Variants in SRP19 observed in about 807,000 individuals in gnomAD.
SRP19 encodes the protein signal recognition particle 19, also known as signal recognition particle 19 kDa protein.
A neutral mutation model predicts 22.4 loss-of-function variants in SRP19; 11 were observed. The observed-to-expected ratio is 0.49, with a 90% CI of 0.31 to 0.81. SRP19 has a LOEUF of 0.81. SRP19 is among the 40% of genes least tolerant of loss of function. The probability of loss-of-function intolerance (pLI) is 0.05; values close to 1 mark genes in which losing one functional copy is unlikely to be tolerated. For synonymous variants in SRP19, 61 were observed against 57.6 expected, an observed-to-expected ratio of 1.06 and a Z score of -0.27; for missense variants, 168 against 175.9, an observed-to-expected ratio of 0.96 and a Z score of 0.25.
chr5:112,872,322 CTTTT>C (rs759571945), downstream of SRP19, among the ~76,000 whole-genome samples: 61 of 92,692 alleles, frequency 6.6e-4, no homozygotes, highest in Admixed American at 3.2e-3. Flanking sequence ...CCAAATGATT[CTTTT>C]TTTTTTTTTT....
chr5:112,866,508 T>C (rs187722695), intron 4 of SRP19, among the ~76,000 whole-genome samples: 2 of 151,650 alleles, frequency 1.3e-5, no homozygotes, highest in African/African-American at 4.8e-5. Context: ...TTTTTTATTT[T>C]TTCTAGAGAT....
At chr5:112,897,945 G>T (rs1289220658), downstream of SRP19, 1 of 152,256 alleles carries the variant, frequency 6.6e-6, no homozygotes, top group Non-Finnish European at 1.5e-5. Flanking sequence ...TGTAATCCCA[G>T]CTACTTGGGA....
intron 4 of SRP19, among the ~76,000 whole-genome samples, chr5:112,874,836 C>A (rs1479494965): frequency 6.7e-6 from 1 of 149,940 alleles, no homozygotes; most frequent in Non-Finnish European, 1.5e-5. Context: ...GTGCAAATGG[C>A]GTGATCTCGG....
At chr5:112,891,996 G>A in exon 5 of SRP19, 1 of 1,268,052 alleles carries the variant, frequency 7.9e-7, no homozygotes, top group Non-Finnish European at 1.2e-6. Flanking sequence ...GGAAAGAACA[G>A]CAGAGGAAAG....
chr5:112,889,629 G>C (rs754284032), intron 4 of SRP19, among the ~76,000 whole-genome samples: 1 of 150,226 alleles, frequency 6.7e-6, no homozygotes, highest in African/African-American at 2.5e-5. Flanking sequence ...ATATTTAAAT[G>C]TAAGTCAGAA....
chr5:112,892,771 T>A, exon 5 of SRP19: 2 of 1,613,712 alleles, frequency 1.2e-6, no homozygotes, highest in Non-Finnish European at 1.7e-6. Flanking sequence ...CCACGACCAC[T>A]ACTACAGCAG....
exon 5 of SRP19, chr5:112,892,947 G>C: frequency 6.3e-7 from 1 of 1,599,072 alleles, no homozygotes; most frequent in Non-Finnish European, 8.5e-7. Flanking sequence ...ACCGCAGCTG[G>C]GACCAGGGCC....
At chr5:112,870,097 G>A (rs2150028849), downstream of SRP19, among the ~76,000 whole-genome samples, 1 of 152,258 alleles carries the variant, frequency 6.6e-6, no homozygotes, top group Non-Finnish European at 1.5e-5. Context: ...TGGGACCAAG[G>A]TAACTGAAAC....
At chr5:112,890,042 G>C (rs1266365789) in intron 4 of SRP19, among the ~76,000 whole-genome samples, 6 of 150,330 alleles carry the variant, frequency 4.0e-5, no homozygotes, top group African/African-American at 1.5e-4. Context: ...GGCCAGGCTG[G>C]TCTTGAACTC....
At chr5:112,891,500 A>T in intron 4 of SRP19, 1 of 1,166,732 alleles carries the variant, frequency 8.6e-7, no homozygotes, top group Non-Finnish European at 1.2e-6. Context: ...TTTGTAATAT[A>T]TATAAGTATG....
At chr5:112,862,608 A>G (rs761643513) in intron 2 of SRP19, 25 bp downstream of exon 2, 8 of 1,606,632 alleles carry the variant, frequency 5.0e-6, no homozygotes, top group Non-Finnish European at 6.8e-6. Flanking sequence ...TGGCACCTTG[A>G]TCCTCGAGGG....
downstream of SRP19, chr5:112,896,660 G>A (rs1768688631): frequency 6.6e-6 from 1 of 152,154 alleles, no homozygotes; most frequent in Non-Finnish European, 1.5e-5. Context: ...ATCTAGCCAG[G>A]CCTGGTGGCT....
intron 4 of SRP19, chr5:112,878,598 T>G (rs1292789995): frequency 3.5e-5 from 29 of 839,784 alleles, no homozygotes; most frequent in Non-Finnish European, 1.2e-5. Context: ...TGCATTAAGT[T>G]TAAAGTGCTC....
chr5:112,871,056 G>A (rs1767746800), downstream of SRP19, among the ~76,000 whole-genome samples: 1 of 152,074 alleles, frequency 6.6e-6, no homozygotes, highest in African/African-American at 2.4e-5. Flanking sequence ...GTTTCACCAT[G>A]TTGGCCAGGC....
downstream of SRP19, chr5:112,896,953 A>G (rs912286707): frequency 6.6e-6 from 1 of 152,158 alleles, no homozygotes; most frequent in Non-Finnish European, 1.5e-5. Flanking sequence ...AAATCTAGAA[A>G]ATGATTTAAA....
chr5:112,889,709 C>G (rs1169495590), intron 4 of SRP19, among the ~76,000 whole-genome samples: 1 of 150,406 alleles, frequency 6.6e-6, no homozygotes, highest in Admixed American at 6.6e-5. Flanking sequence ...GATATACTAG[C>G]CAGGCTTACA....
chr5:112,887,028 G>T, intron 4 of SRP19: 1 of 1,603,414 alleles, frequency 6.2e-7, no homozygotes, highest in South Asian at 1.1e-5. Flanking sequence ...CTTTAGTGAT[G>T]GCATCTGCAG....
At position 112,880,538 on chromosome 5, in the gene SRP19, A is replaced by G. The variant is rs76862864; in HGVS notation, c.302-11065A>G. Among the ~76,000 whole-genome samples the G allele has an allele frequency of 7.7e-3, 1,168 of 152,356 alleles. 18 individuals are homozygous for G. Among genetic ancestry groups the G allele is most frequent in the African/African-American group, 0.027 (1,107 of 41,586 alleles). ...GTTAAAATTACTGAACCAAGTTCAC[A>G]GCAAAGGAGAAAATGTAGTCCTTCC... On this transcript the variant is annotated intron_variant, in intron 4 of 4. Transcript: ENST00000391338.
intron 1 of SRP19, among the ~76,000 whole-genome samples, chr5:112,862,194 T>C (rs1407600300): frequency 6.6e-6 from 1 of 152,152 alleles, no homozygotes; most frequent in Admixed American, 6.5e-5. Context: ...CCAAGAGCTG[T>C]TGGTTACAGA....
Sources: allele counts gnomAD v4.1 joint callset (sites outside exome capture counted in the v4.1 genomes callset), GRCh38; gene constraint gnomAD v4.1.1; transcripts MANE v1.5; gene names NCBI Gene and HGNC (gene_info 2026-07-23, HGNC 2026-07-21).